Variants in TRHDE observed in about 807,000 individuals in gnomAD.
TRHDE encodes thyrotropin-releasing hormone-degrading ectoenzyme.
A neutral mutation model predicts 125.7 loss-of-function variants in TRHDE; 72 were observed. The ratio of observed to expected loss-of-function variants is 0.57; its 90% CI spans 0.47 to 0.70. The LOEUF is 0.70. TRHDE is among the 30% of genes least tolerant of loss of function. TRHDE has a pLI of 0.00. For synonymous variants in TRHDE, 509 were observed against 509.1 expected (o/e 1.00, Z 0.00); for missense variants, 1,110 against 1,327.1 (o/e 0.84, Z 2.54).
chr12:72,268,708 C>T (rs1879125728), upstream of TRHDE, among the ~76,000 whole-genome samples: 1 of 152,036 alleles, frequency 6.6e-6, no homozygotes, highest in South Asian at 2.1e-4. Context: ...AATAGTAAGA[C>T]CCTGGAGCCA....
At chr12:72,140,937 A>G (rs533212843) in intron 2 of TRHDE, among the ~76,000 whole-genome samples, 1 of 152,350 alleles carries the variant, frequency 6.6e-6, no homozygotes, top group African/African-American at 2.4e-5. Context: ...TAAGCTGAAA[A>G]CAATCAGAAA....
intron 7 of TRHDE, among the ~76,000 whole-genome samples, chr12:72,547,889 T>G (rs956387414): frequency 6.6e-6 from 1 of 151,846 alleles, no homozygotes; most frequent in African/African-American, 2.4e-5. Context: ...AAGTTACACT[T>G]TTTAAATATA....
chr12:72,365,292 C>G (rs1555179817), intron 2 of TRHDE, among the ~76,000 whole-genome samples: 1 of 151,672 alleles, frequency 6.6e-6, no homozygotes, highest in Non-Finnish European at 1.5e-5. Context: ...TGAACAAAAG[C>G]TTTTTCAGGT....
At chr12:72,428,008 A>G (rs1209908458) in intron 3 of TRHDE, among the ~76,000 whole-genome samples, 8 of 152,160 alleles carry the variant, frequency 5.3e-5, no homozygotes, top group Non-Finnish European at 1.0e-4. Context: ...AAAACTCCAC[A>G]TCATTGTTAG....
intron 3 of TRHDE, among the ~76,000 whole-genome samples, chr12:72,450,584 G>A (rs1400680555): frequency 2.0e-5 from 3 of 152,048 alleles, no homozygotes; most frequent in East Asian, 3.9e-4. Flanking sequence ...ATTAACCATA[G>A]CCACCATGTT....
chr12:72,387,798 G>C (rs114278231), intron 3 of TRHDE, among the ~76,000 whole-genome samples: 3,608 of 152,140 alleles, frequency 0.024, 67 homozygotes, highest in South Asian at 0.074. Context: ...ACACCCTTTC[G>C]CTTGGTTCTC....
intron 2 of TRHDE, among the ~76,000 whole-genome samples, chr12:72,189,491 G>A (rs145447837): frequency 1.3e-5 from 2 of 152,302 alleles, no homozygotes; most frequent in African/African-American, 4.8e-5. Flanking sequence ...CTACTTTAGT[G>A]TTATTATAAT....
intron 2 of TRHDE, among the ~76,000 whole-genome samples, chr12:72,325,168 A>G (rs74606017): frequency 4.9e-5 from 7 of 143,280 alleles, no homozygotes; most frequent in African/African-American, 1.8e-4. Flanking sequence ...ATTTTTTTTT[A>G]ACTTGAAAAA....
At chr12:72,327,104 C>T (rs2135715923) in intron 2 of TRHDE, among the ~76,000 whole-genome samples, 1 of 151,886 alleles carries the variant, frequency 6.6e-6, no homozygotes, top group Admixed American at 6.6e-5. Flanking sequence ...CTTGTGAGAA[C>T]TTTTATCTCA....
At chr12:72,594,136 T>C (rs1314585489) in intron 12 of TRHDE, among the ~76,000 whole-genome samples, 3 of 152,098 alleles carry the variant, frequency 2.0e-5, no homozygotes, top group Non-Finnish European at 4.4e-5. Context: ...CCACCAACAG[T>C]GTAAAAGCAT....
intron 10 of TRHDE, among the ~76,000 whole-genome samples, chr12:72,574,533 G>A (rs946195119): frequency 1.3e-5 from 2 of 151,952 alleles, no homozygotes; most frequent in Non-Finnish European, 2.9e-5. Flanking sequence ...TAGTGTCCTC[G>A]CTCTGTACTA....
At chr12:72,224,166 GTATCTATCTATCTATCTATC>G (rs368211232) in intron 2 of TRHDE, among the ~76,000 whole-genome samples, 3 of 62,896 alleles carry the variant, frequency 4.8e-5, no homozygotes, top group Non-Finnish European at 7.3e-5. Flanking sequence ...ATGTATGTAT[GTATCTATCTATCTATCTATC>G]TATCTATCTA....
intron 2 of TRHDE, among the ~76,000 whole-genome samples, chr12:72,241,521 G>GTTTGTTTATCC (rs1459567790): frequency 3.3e-5 from 5 of 152,138 alleles, no homozygotes; most frequent in African/African-American, 7.2e-5. Flanking sequence ...ATGTACCACA[G>GTTTGTTTATCC]TTTGTTTATC....
intron 12 of TRHDE, chr12:72,582,205 C>T: frequency 1.0e-6 from 1 of 966,440 alleles, no homozygotes; most frequent in Non-Finnish European, 1.2e-6. Flanking sequence ...AAATAATACG[C>T]TTTTATTTAC....
At chr12:72,377,056 T>A (rs1368234021) in intron 2 of TRHDE, among the ~76,000 whole-genome samples, 2 of 152,130 alleles carry the variant, frequency 1.3e-5, no homozygotes, top group African/African-American at 4.8e-5. Flanking sequence ...TCACCCACCT[T>A]GGTTAGTGGC....
chr12:72,637,114 C>T (rs1379014269), intron 15 of TRHDE, among the ~76,000 whole-genome samples: 1 of 152,112 alleles, frequency 6.6e-6, no homozygotes, highest in Non-Finnish European at 1.5e-5. Context: ...TAGAATTCGG[C>T]TGTGAATCCA....
rs1875005561 is a variant in TRHDE at position 72,663,646 on chromosome 12, C to G, written c.*451C>G. The G allele has an allele frequency of 6.6e-6, 1 of 152,488 alleles. No individual in the cohort carries two copies. 9.4% of individuals were successfully genotyped at this position (152,488 alleles called of 1,614,324 possible). On this transcript the variant is annotated 3_prime_UTR_variant, in exon 19 of 19. Transcript: ENST00000261180. ...CTAGGATGGGCATTATGCAAAAGCA[C>G]AAAGATTATATATGACAATCAGTAT...
chr12:72,518,679 C>T (rs564027221), intron 6 of TRHDE, among the ~76,000 whole-genome samples: 12 of 152,022 alleles, frequency 7.9e-5, no homozygotes, highest in African/African-American at 2.4e-4. Flanking sequence ...TGAATTTGAT[C>T]CTGTCATTAT....
intron 2 of TRHDE, among the ~76,000 whole-genome samples, chr12:72,182,538 T>C (rs951280112): frequency 2.0e-5 from 3 of 152,210 alleles, no homozygotes; most frequent in African/African-American, 4.8e-5. Flanking sequence ...AGTTGAAGTT[T>C]TCTTCTAGTA....
Sources: allele counts gnomAD v4.1 joint callset (sites outside exome capture counted in the v4.1 genomes callset), GRCh38; gene constraint gnomAD v4.1.1; transcripts MANE v1.5; gene names NCBI Gene and HGNC (gene_info 2026-07-23, HGNC 2026-07-21).